The following SCAPER variants were observed in gnomAD, a reference collection of about 807,000 sequenced individuals.
The protein encoded by SCAPER is S phase cyclin A-associated protein in the endoplasmic reticulum.
SCAPER carries 98 observed loss-of-function variants against 182.2 expected under a neutral mutation model. The ratio of observed to expected loss-of-function variants is 0.54; its 90% CI spans 0.46 to 0.64. SCAPER has a LOEUF of 0.64. SCAPER is among the 30% of genes least tolerant of loss of function. The pLI, the probability that SCAPER is intolerant of heterozygous loss-of-function variation, is 0.00. For synonymous variants in SCAPER, 605 were observed against 564.6 expected (o/e 1.07, Z -1.01); for missense variants, 1,432 against 1,690.0 (o/e 0.85, Z 2.68).
At chr15:76,580,965 CATT>C (rs2048226537) in intron 22 of SCAPER, among the ~76,000 whole-genome samples, 1 of 152,034 alleles carries the variant, frequency 6.6e-6, no homozygotes, top group Non-Finnish European at 1.5e-5. Flanking sequence ...AAAAAGGAGA[CATT>C]ATAACCAATA....
intron 2 of SCAPER, among the ~76,000 whole-genome samples, chr15:76,871,202 G>C (rs2072701722): frequency 6.6e-6 from 1 of 152,000 alleles, no homozygotes; most frequent in African/African-American, 2.4e-5. Flanking sequence ...GAGGTCAGGA[G>C]GTTGAGACCA....
At chr15:76,462,173 G>A (rs62028423) in intron 25 of SCAPER, among the ~76,000 whole-genome samples, 50,912 of 152,096 alleles carry the variant, frequency 0.33, 8,834 homozygotes, top group East Asian at 0.58. Flanking sequence ...GGCACCAACT[G>A]TAGCCTGCCC....
chr15:76,617,865 A>T (rs1296770012), intron 22 of SCAPER, among the ~76,000 whole-genome samples: 1 of 152,188 alleles, frequency 6.6e-6, no homozygotes, highest in Non-Finnish European at 1.5e-5. Flanking sequence ...TGTATTCAGA[A>T]ATGGCTCAAC....
Position 76,593,377 on chromosome 15 carries a change from G to C in SCAPER, c.2712-19093C>G, listed in dbSNP as rs527893023. 6.6e-5 allele frequency among the ~76,000 whole-genome samples: 8 copies of C among 121,294 alleles called. 1 individual carries two copies. The South Asian group carries it at 2.1e-3, about 31-fold the overall frequency. The allele number at this position is 121,294 out of a possible 152,430, so 79.6% of individuals were successfully genotyped here. On this transcript the variant is annotated intron_variant, in intron 22 of 31. Coordinates refer to ENST00000563290, the MANE Select transcript of SCAPER (RefSeq NM_020843.4). The stretch of plus-strand genomic sequence containing the variant: ...CTGGGGCAGAGCACCTGGGGGAAGG[G>C]GCGGCTGTGGGCACAGCTTCAGGAG...
chr15:76,630,056 T>C (rs1484314817), intron 21 of SCAPER, among the ~76,000 whole-genome samples: 1 of 152,198 alleles, frequency 6.6e-6, no homozygotes, highest in East Asian at 1.9e-4. Context: ...CATAGAGGTA[T>C]TTATAGTATT....
chr15:76,624,545 CT>C (rs2052395516), intron 21 of SCAPER, among the ~76,000 whole-genome samples: 1 of 152,304 alleles, frequency 6.6e-6, no homozygotes, highest in Non-Finnish European at 1.5e-5. Context: ...TTCTGGGACA[CT>C]GCAAATTTGA....
chr15:76,676,915 A>G (rs4886824), intron 20 of SCAPER, among the ~76,000 whole-genome samples: 57,700 of 150,850 alleles, frequency 0.38, 13,004 homozygotes, highest in Middle Eastern at 0.52. Context: ...ATTATAAATA[A>G]TGTTATTAAG....
intron 25 of SCAPER, among the ~76,000 whole-genome samples, chr15:76,467,136 T>C (rs2049737095): frequency 6.6e-6 from 1 of 152,182 alleles, no homozygotes; most frequent in Non-Finnish European, 1.5e-5. Flanking sequence ...GATTGTAAGT[T>C]TCTCAAGGAC....
chr15:76,436,647 T>G (rs2047217617), intron 25 of SCAPER, among the ~76,000 whole-genome samples: 1 of 152,132 alleles, frequency 6.6e-6, no homozygotes, highest in East Asian at 1.9e-4. Flanking sequence ...TCTAACATGG[T>G]CTCTGTTTTG....
intron 23 of SCAPER, among the ~76,000 whole-genome samples, chr15:76,560,604 C>A (rs1031372343): frequency 6.6e-6 from 1 of 152,154 alleles, no homozygotes; most frequent in Non-Finnish European, 1.5e-5. Context: ...TCCCTAAATA[C>A]CTTCCCAATG....
In SCAPER at chr15:76,741,051, ATTC is replaced by A. The variant is rs143731320; in HGVS notation, c.1867-7670_1867-7668del. 5.6e-4 allele frequency among the ~76,000 whole-genome samples: 85 copies of A among 152,258 alleles called. 2 individuals carry two copies. The East Asian group carries it at 0.015, about 27-fold the overall frequency. On this transcript the variant is annotated intron_variant, in intron 15 of 31. Transcript: ENST00000563290. ...TCTCAAAAAATTCTTATGAGAATGA[ATTC>A]TTGTGATTAACACGATAAACTCAAG...
intron 21 of SCAPER, among the ~76,000 whole-genome samples, chr15:76,656,831 G>T (rs1477932556): frequency 6.6e-6 from 1 of 152,060 alleles, no homozygotes; most frequent in Non-Finnish European, 1.5e-5. Context: ...CAGAAATCAA[G>T]AAATTATTTG....
intron 23 of SCAPER, among the ~76,000 whole-genome samples, chr15:76,563,052 T>C (rs2046765349): frequency 6.6e-6 from 1 of 152,164 alleles, no homozygotes; most frequent in African/African-American, 2.4e-5. Context: ...GACCCTTAAG[T>C]GATAAAACCA....
chr15:76,453,977 T>C (rs975849663), intron 25 of SCAPER, among the ~76,000 whole-genome samples: 1 of 152,210 alleles, frequency 6.6e-6, no homozygotes, highest in Admixed American at 6.5e-5. Flanking sequence ...AAGTACATTC[T>C]TTCCTCATAT....
intron 21 of SCAPER, among the ~76,000 whole-genome samples, chr15:76,631,717 A>G (rs746534100): frequency 6.6e-5 from 10 of 152,146 alleles, no homozygotes; most frequent in Non-Finnish European, 1.3e-4. Flanking sequence ...TGCCCTTAAC[A>G]TATTTTCCTT....
chr15:76,781,725 G>T (rs914477406), intron 8 of SCAPER, among the ~76,000 whole-genome samples: 4 of 152,062 alleles, frequency 2.6e-5, no homozygotes, highest in Non-Finnish European at 4.4e-5. Flanking sequence ...AGACAGTGGG[G>T]GCCAATATTC....
At chr15:76,578,065 A>T (rs1292750177) in intron 22 of SCAPER, among the ~76,000 whole-genome samples, 1 of 151,982 alleles carries the variant, frequency 6.6e-6, no homozygotes, top group Non-Finnish European at 1.5e-5. Context: ...GTAGCCAGGC[A>T]GTACTCACCA....
chr15:76,559,452 TCTG>T lies in SCAPER; in HGVS notation c.2838+14703_2838+14705del, dbSNP rs139753007. Among the ~76,000 whole-genome samples the T allele has an allele frequency of 9.6e-4, 146 of 152,220 alleles. 2 individuals carry two copies. The highest frequency in any genetic ancestry group is 3.4e-3 in the African/African-American group (143 of 41,540). ...AAGGTGCCTTGCTTCCCCTTTGCCTTCTGCCATGATTGTAAGTTTCCTGAGGCC... is the reference window on the plus strand; with the variant it reads ...AAGGTGCCTTGCTTCCCCTTTGCCTTCCATGATTGTAAGTTTCCTGAGGCC... On this transcript the variant is annotated intron_variant, in intron 23 of 31. Transcript: ENST00000563290.
At chr15:76,369,425 A>ATC (rs1338335534) in intron 29 of SCAPER, among the ~76,000 whole-genome samples, 14 of 152,374 alleles carry the variant, frequency 9.2e-5, no homozygotes, top group Admixed American at 5.2e-4. Context: ...TAAGTATAGA[A>ATC]GTGAGGTGGA....
Sources: allele counts gnomAD v4.1 joint callset (sites outside exome capture counted in the v4.1 genomes callset), GRCh38; gene constraint gnomAD v4.1.1; transcripts MANE v1.5; gene names NCBI Gene and HGNC (gene_info 2026-07-23, HGNC 2026-07-21).